Variants in CFAP276 observed in about 807,000 individuals in gnomAD.
CFAP276 encodes the protein cilia and flagella associated protein 276.
chr1:109,113,042 C>T, the CFAP276 span, among the ~76,000 whole-genome samples: 1 of 152,178 alleles, frequency 6.6e-6, no homozygotes. Context: ...AAATTTCCTT[C>T]TCCCTCGCAC....
chr1:109,112,593 C>T, the CFAP276 span: 1 of 1,550,518 alleles, frequency 6.4e-7, no homozygotes, highest in Non-Finnish European at 8.7e-7. Flanking sequence ...CAAGAAACCA[C>T]AGTACCTTGG....
chr1:109,113,649 C>T, the CFAP276 span: 1 of 1,614,030 alleles, frequency 6.2e-7, no homozygotes, highest in South Asian at 1.1e-5. Context: ...CTCTTCCAGG[C>T]GACGACGTCT....
chr1:109,111,327 C>T, the CFAP276 span, among the ~76,000 whole-genome samples: 4 of 152,068 alleles, frequency 2.6e-5, no homozygotes, highest in Non-Finnish European at 4.4e-5. Flanking sequence ...AAGAATTAGC[C>T]GGGTGTGGTG....
chr1:109,113,469 G>GGAGA, the CFAP276 span, among the ~76,000 whole-genome samples: 2 of 74,936 alleles, frequency 2.7e-5, no homozygotes, highest in African/African-American at 7.6e-5. Context: ...AGAGAGAGAG[G>GGAGA]CCCACGTGCG....
chr1:109,113,456 GA>G, the CFAP276 span, among the ~76,000 whole-genome samples: 2 of 140,976 alleles, frequency 1.4e-5, 1 homozygote, highest in African/African-American at 5.2e-5. Flanking sequence ...GAGAGAGAGA[GA>G]GAGAGAGAGA....
the CFAP276 span, chr1:109,107,981 C>T: frequency 6.3e-7 from 1 of 1,597,660 alleles, no homozygotes; most frequent in Non-Finnish European, 8.5e-7. Flanking sequence ...TTGAGTTGAG[C>T]CGACTCCAGG....
chr1:109,113,526 A>G, the CFAP276 span: 2 of 1,010,586 alleles, frequency 2.0e-6, no homozygotes, highest in Non-Finnish European at 2.9e-6. Flanking sequence ...TTAAACTCGG[A>G]TCAACTACAG....
the CFAP276 span, among the ~76,000 whole-genome samples, chr1:109,109,511 C>G: frequency 6.8e-6 from 1 of 147,518 alleles, no homozygotes; most frequent in East Asian, 2.0e-4. Flanking sequence ...CACAATATGG[C>G]AAAGTGCTAT....
At chr1:109,113,727 T>C in the CFAP276 span, 4 of 1,604,270 alleles carry the variant, frequency 2.5e-6, no homozygotes, top group Admixed American at 1.7e-5. Context: ...GAGATGCTCA[T>C]AAAATAACCC....
chr1:109,108,001 G>A, the CFAP276 span: 4 of 1,585,092 alleles, frequency 2.5e-6, no homozygotes, highest in Non-Finnish European at 3.4e-6. Flanking sequence ...GGTTCCTGCT[G>A]CTGAGCAAGG....
the CFAP276 span, among the ~76,000 whole-genome samples, chr1:109,113,112 G>A: frequency 1.3e-5 from 2 of 152,242 alleles, no homozygotes; most frequent in South Asian, 2.1e-4. Flanking sequence ...AAAGAGGGCC[G>A]GGCGCGGTGG....
At chr1:109,107,143 C>T in the CFAP276 span, 2 of 1,593,774 alleles carry the variant, frequency 1.3e-6, no homozygotes, top group Non-Finnish European at 8.6e-7. Flanking sequence ...CAGTCCCCCC[C>T]AAGGTTAGCT....
At chr1:109,112,528 C>T in the CFAP276 span, 1 of 1,537,580 alleles carries the variant, frequency 6.5e-7, no homozygotes, top group African/African-American at 1.4e-5. Context: ...GTTACCATCT[C>T]TGCTCATCAC....
chr1:109,113,499 T>G, the CFAP276 span: 1 of 837,490 alleles, frequency 1.2e-6, no homozygotes, highest in Non-Finnish European at 1.8e-6. Flanking sequence ...AAATTGCGGC[T>G]AAGGCAAACT....
chr1:109,107,832 C>T, the CFAP276 span: 1 of 1,055,070 alleles, frequency 9.5e-7, no homozygotes, highest in South Asian at 1.5e-5. Flanking sequence ...AAACCATGAT[C>T]AGGCCACAGC....
the CFAP276 span, chr1:109,107,982 C>T: frequency 1.4e-4 from 219 of 1,613,778 alleles, no homozygotes; most frequent in Admixed American, 1.8e-4. Flanking sequence ...TGAGTTGAGC[C>T]GACTCCAGGG....
chr1:109,108,224 CCT>C, the CFAP276 span, among the ~76,000 whole-genome samples: 1 of 152,104 alleles, frequency 6.6e-6, no homozygotes, highest in Non-Finnish European at 1.5e-5. Flanking sequence ...CTCACTGCAA[CCT>C]CTGTCTCTTG....
chr1:109,108,027 T>TTTTTTTTTTTTTTTTTTTTCA, the CFAP276 span: 3 of 1,600,702 alleles, frequency 1.9e-6, no homozygotes, highest in Non-Finnish European at 1.7e-6. Flanking sequence ...TGGGTTCTTA[T>TTTTTTTTTTTTTTTTTTTTCA]ATGGCAATTT....
At chr1:109,111,472 C>CAAAAAA in the CFAP276 span, among the ~76,000 whole-genome samples, 6 of 141,514 alleles carry the variant, frequency 4.2e-5, no homozygotes, top group African/African-American at 1.6e-4. Context: ...GACCCTGTCT[C>CAAAAAA]AAAAAAAAAA....
Sources: gnomAD v4.1 joint callset for allele counts (sites outside exome capture counted in the v4.1 genomes callset) on GRCh38, gnomAD v4.1.1 for gene constraint, MANE v1.5 for transcripts, NCBI Gene and HGNC (gene_info 2026-07-23, HGNC 2026-07-21) for gene names.